Variants in RANBP2 observed in about 807,000 individuals in gnomAD.
The protein encoded by RANBP2 is E3 SUMO-protein ligase RanBP2.
A neutral mutation model predicts 303.6 loss-of-function variants in RANBP2; 57 were observed. That is an observed-to-expected ratio of 0.19 (90% confidence interval 0.15 to 0.23). The LOEUF (loss-of-function observed/expected upper bound fraction) is 0.23. Among genes scored for constraint, RANBP2 ranks in the 10% least tolerant of loss-of-function variants. RANBP2 has a pLI of 1.00. For missense variants in RANBP2, 3,138 were observed against 3,780.8 expected (o/e 0.83, Z 4.46); for synonymous variants, 1,167 against 1,301.5 (o/e 0.90, Z 2.23).
the RANBP2 span, among the ~76,000 whole-genome samples, chr2:109,515,986 A>G: frequency 8.5e-5 from 13 of 152,182 alleles, 1 homozygote; most frequent in Admixed American, 2.0e-4. Flanking sequence ...GGGGACAAAC[A>G]ACCAAACATC....
the RANBP2 span, among the ~76,000 whole-genome samples, chr2:109,277,259 G>A: frequency 6.6e-6 from 1 of 152,164 alleles, no homozygotes; most frequent in African/African-American, 2.4e-5. Context: ...CTCCCTCACT[G>A]TACAGGAACC....
the RANBP2 span, among the ~76,000 whole-genome samples, chr2:109,481,669 G>A: frequency 1.3e-5 from 2 of 152,176 alleles, no homozygotes; most frequent in African/African-American, 4.8e-5. Context: ...CATGTGGATG[G>A]AGGGCTCTGC....
chr2:109,633,121 G>A, the RANBP2 span, among the ~76,000 whole-genome samples: 1 of 152,156 alleles, frequency 6.6e-6, no homozygotes, highest in African/African-American at 2.4e-5. Context: ...GACGGTCGTG[G>A]TGGCTCACAC....
the RANBP2 span, among the ~76,000 whole-genome samples, chr2:109,400,569 C>A: frequency 1.7e-5 from 2 of 118,196 alleles, no homozygotes; most frequent in Non-Finnish European, 3.9e-5. Context: ...ACATACACAC[C>A]TGTGCGCACA....
chr2:109,320,379 GT>G, the RANBP2 span, among the ~76,000 whole-genome samples: 2 of 152,152 alleles, frequency 1.3e-5, no homozygotes, highest in Non-Finnish European at 2.9e-5. Context: ...CAGGTACAAC[GT>G]TTGATCTCAC....
the RANBP2 span, among the ~76,000 whole-genome samples, chr2:109,057,110 T>C: frequency 1.3e-5 from 2 of 152,276 alleles, no homozygotes; most frequent in South Asian, 2.1e-4. Context: ...GTTTCTGGGG[T>C]TTTAGGCAAG....
At chr2:109,626,460 C>G in the RANBP2 span, among the ~76,000 whole-genome samples, 1 of 151,176 alleles carries the variant, frequency 6.6e-6, no homozygotes, top group African/African-American at 2.4e-5. Context: ...AAGAGTGAGA[C>G]TCCATCTCAA....
At chr2:109,480,210 A>G in the RANBP2 span, among the ~76,000 whole-genome samples, 19 of 152,220 alleles carry the variant, frequency 1.2e-4, no homozygotes, top group African/African-American at 4.6e-4. Flanking sequence ...CATGGCACCA[A>G]ACATCTGTAC....
the RANBP2 span, among the ~76,000 whole-genome samples, chr2:108,989,692 AACTTCAG>A: frequency 6.6e-6 from 1 of 152,248 alleles, no homozygotes; most frequent in East Asian, 1.9e-4. Flanking sequence ...ATACCCATGT[AACTTCAG>A]ATAACCATAC....
chr2:109,290,503 C>T, the RANBP2 span, among the ~76,000 whole-genome samples: 1 of 152,270 alleles, frequency 6.6e-6, no homozygotes, highest in African/African-American at 2.4e-5. Flanking sequence ...TTCTATTTTC[C>T]TCACTGTCTC....
At chr2:109,607,969 T>C in the RANBP2 span, among the ~76,000 whole-genome samples, 1 of 152,190 alleles carries the variant, frequency 6.6e-6, no homozygotes, top group Non-Finnish European at 1.5e-5. Flanking sequence ...ATGCTGGAGA[T>C]GGGGAAAAGT....
At chr2:109,369,765 C>T in the RANBP2 span, among the ~76,000 whole-genome samples, 1 of 152,210 alleles carries the variant, frequency 6.6e-6, no homozygotes, top group Non-Finnish European at 1.5e-5. Flanking sequence ...GCTGCCTCAA[C>T]TCGGATGGAC....
the RANBP2 span, among the ~76,000 whole-genome samples, chr2:108,946,234 G>A: frequency 2.6e-5 from 4 of 152,262 alleles, no homozygotes; most frequent in Admixed American, 1.3e-4. Flanking sequence ...AGCCTCCCCC[G>A]ACTTTATCAC....
At chr2:108,809,311 A>G in the RANBP2 span, among the ~76,000 whole-genome samples, 1 of 152,058 alleles carries the variant, frequency 6.6e-6, no homozygotes. Flanking sequence ...GTCTTTCATG[A>G]TTTCATACAC....
At chr2:109,206,304 CA>C in the RANBP2 span, among the ~76,000 whole-genome samples, 1 of 151,900 alleles carries the variant, frequency 6.6e-6, no homozygotes, top group Non-Finnish European at 1.5e-5. Context: ...TCCTGGCTAA[CA>C]TGGTGAAACC....
the RANBP2 span, among the ~76,000 whole-genome samples, chr2:108,854,552 G>A: frequency 6.6e-6 from 1 of 152,154 alleles, no homozygotes; most frequent in Admixed American, 6.5e-5. Context: ...CCTGAGATCA[G>A]AATTGAGGTC....
chr2:109,686,495 A>G, the RANBP2 span, among the ~76,000 whole-genome samples: 1 of 151,928 alleles, frequency 6.6e-6, no homozygotes, highest in African/African-American at 2.4e-5. Flanking sequence ...TTGTATTTTT[A>G]GTATAGACGG....
chr2:109,647,204 G>A, the RANBP2 span, among the ~76,000 whole-genome samples: 114 of 122,650 alleles, frequency 9.3e-4, 1 homozygote, highest in Middle Eastern at 7.8e-3. Context: ...TCGCTCTGTC[G>A]TCAGGCTGGA....
At chr2:109,078,123 G>GTA in the RANBP2 span, among the ~76,000 whole-genome samples, 19 of 45,428 alleles carry the variant, frequency 4.2e-4, 1 homozygote, top group African/African-American at 9.5e-4. Flanking sequence ...TATATAGCGT[G>GTA]TATATATATA....
Sources: allele counts gnomAD v4.1 joint callset (sites outside exome capture counted in the v4.1 genomes callset), GRCh38; gene constraint gnomAD v4.1.1; transcripts MANE v1.5; gene names NCBI Gene and HGNC (gene_info 2026-07-23, HGNC 2026-07-21).